The following LIG1 variants were observed in gnomAD, a reference collection of about 807,000 sequenced individuals.
LIG1 encodes the protein ligase I, DNA, ATP-dependent.
Under a neutral mutation model 115.7 loss-of-function variants are expected in LIG1, and 70 were observed. The observed-to-expected ratio is 0.60, with a 90% confidence interval of 0.50 to 0.74. The LOEUF (loss-of-function observed/expected upper bound fraction) is 0.74, where lower values mean the gene tolerates loss of function less well. Among genes scored for constraint, LIG1 ranks in the 30% least tolerant of loss-of-function variants. LIG1 has a pLI of 0.00. For missense variants in LIG1, 1,115 were observed against 1,225.6 expected (o/e 0.91, Z 1.35); for synonymous variants, 487 against 495.3 (o/e 0.98, Z 0.22).
chr19:48,159,072 C>T (rs1374721085), intron 4 of LIG1, among the ~76,000 whole-genome samples: 1 of 144,292 alleles, frequency 6.9e-6, no homozygotes, highest in African/African-American at 2.6e-5. Flanking sequence ...AGATACAGGT[C>T]TCAGATAATT....
chr19:48,138,085 G>A (rs1278282926), intron 12 of LIG1, among the ~76,000 whole-genome samples: 2 of 152,112 alleles, frequency 1.3e-5, no homozygotes, highest in African/African-American at 2.4e-5. Flanking sequence ...AACATCTCTG[G>A]CAGTGACCAA....
chr19:48,163,323 G>A (rs1232186257), intron 2 of LIG1, among the ~76,000 whole-genome samples: 1 of 152,060 alleles, frequency 6.6e-6, no homozygotes, highest in African/African-American at 2.4e-5. Flanking sequence ...CCAGTTTCAA[G>A]TGTTTCTCCT....
At chr19:48,124,202 C>T (rs962446300) in intron 21 of LIG1, among the ~76,000 whole-genome samples, 3 of 152,198 alleles carry the variant, frequency 2.0e-5, no homozygotes, top group Admixed American at 6.5e-5. Context: ...GGGACATTCA[C>T]GTGTTTTCCA....
At chr19:48,146,941 T>C (rs1271505887) in intron 9 of LIG1, among the ~76,000 whole-genome samples, 3 of 152,154 alleles carry the variant, frequency 2.0e-5, no homozygotes, top group African/African-American at 7.2e-5. Context: ...ATCATGTCAA[T>C]GTGTGTAAAA....
At chr19:48,119,344 G>A (rs564784083) in intron 24 of LIG1, among the ~76,000 whole-genome samples, 154 bp from the exon 25 acceptor site, 28 of 152,226 alleles carry the variant, frequency 1.8e-4, no homozygotes, top group African/African-American at 6.5e-4. Context: ...TGGGGGTGCG[G>A]AGCATCCATC....
rs2033370630 is a variant in LIG1, at chr19:48,122,655, G to A, written c.2232+279C>T. ...TAATTCCTGCCCAAGAGCCTGGCCC[G>A]ACACGGGCGGCAGGCTCAGGAGAGA... On this transcript the variant is annotated intron_variant, in intron 23 of 27. Transcript: ENST00000263274. The surrounding 1 kb of genome is among the most constrained non-coding windows in gnomAD (Gnocchi z 4.3). 6.6e-6 allele frequency among the ~76,000 whole-genome samples: 1 copy of A among 152,212 alleles called. No homozygotes were observed. The highest frequency in any genetic ancestry group is 1.5e-5 in the Non-Finnish European group (1 of 68,044).
chr19:48,144,497 G>A (rs1392439279), intron 9 of LIG1, among the ~76,000 whole-genome samples: 1 of 152,138 alleles, frequency 6.6e-6, no homozygotes, highest in Non-Finnish European at 1.5e-5. Flanking sequence ...GACATGGGAG[G>A]AAGGGACCTT....
chr19:48,123,727 C>T (rs896586031), intron 21 of LIG1: 45 of 301,466 alleles, frequency 1.5e-4, no homozygotes, highest in Non-Finnish European at 2.3e-4. Flanking sequence ...AAGCGACTGT[C>T]TTGCGTCGGC....
intron 4 of LIG1, among the ~76,000 whole-genome samples, chr19:48,158,609 G>T (rs1315514222): frequency 6.6e-6 from 1 of 152,216 alleles, no homozygotes; most frequent in Non-Finnish European, 1.5e-5. Flanking sequence ...TTCTTGCTCT[G>T]GCGCCACCTG....
intron 11 of LIG1, among the ~76,000 whole-genome samples, chr19:48,142,441 T>TAAAAAAAAAAAAAAAAAA (rs2034824011): frequency 2.9e-5 from 1 of 34,174 alleles, no homozygotes; most frequent in Non-Finnish European, 5.0e-5. Context: ...AGACTCCATC[T>TAAAAAAAAAAAAAAAAAA]CAAAAAAAAA....
chr19:48,130,926 G>A (rs1599766825), intron 19 of LIG1, 150 bp downstream of exon 19: 2 of 692,142 alleles, frequency 2.9e-6, no homozygotes, highest in Non-Finnish European at 5.2e-6. Flanking sequence ...ACACCACGCA[G>A]GACTGAGTGC....
At chr19:48,139,095 C>T (rs2034575739) in intron 12 of LIG1, among the ~76,000 whole-genome samples, 1 of 152,224 alleles carries the variant, frequency 6.6e-6, no homozygotes, top group South Asian at 2.1e-4. Flanking sequence ...GAGAACCCAC[C>T]AGTGGGTGGT....
chr19:48,154,264 G>A lies in LIG1; in HGVS notation c.371-297C>T, dbSNP rs903701402. 44 of 387,250 alleles carry A rather than the reference G, an allele frequency of 1.1e-4. 1 individual carries two copies. Among genetic ancestry groups the A allele is most frequent in the Middle Eastern group, 1.7e-3 (2 of 1,174 alleles). 24.0% of individuals were successfully genotyped at this position (387,250 alleles called of 1,614,324 possible). On this transcript the variant is annotated intron_variant, in intron 5 of 27. Transcript: ENST00000263274. The stretch of plus-strand genomic sequence containing the variant: ...TGTACTTGGCACAGTACCGATTCCA[G>A]CAGGTCCCCTGAGCTCCCCACTGCT...
chr19:48,117,649 C>A lies in LIG1; in HGVS notation c.2572G>T (p.Ala858Ser), dbSNP rs546126921. 11 of 1,612,768 alleles carry A rather than the reference C, an allele frequency of 6.8e-6. No homozygotes were observed. In the East Asian group the frequency reaches 1.8e-4, roughly 26 times the overall value. The change falls in exon 26 of 28, where the codon GCG (alanine) becomes TCG (serine). Residue 858 changes from alanine to serine, a missense_variant. Coordinates refer to ENST00000263274, the MANE Select transcript of LIG1 (RefSeq NM_000234.3). ...DLSLSPIYPA[A>S]RGLVDSDKGI... ...CCTCTGCCACTCACCAGGCCCCGCG[C>A]AGCAGGGTAGATGGGAGAGAGGGAG... is the stretch of plus-strand genomic sequence containing the variant.
In LIG1 at chr19:48,140,143, C is replaced by T. The variant is rs200400928; in HGVS notation, c.915G>A (p.Arg305=). The change falls in exon 12 of 28, where the codon CGG becomes CGA. Residue 305 remains arginine (R), a splice_region_variant and synonymous_variant. Transcript: ENST00000263274. ...TFEKIEEVSA[R]LRMVETLSNL... ...TGCTCAGCGTCTCCACCATCCGGAGCCTGGAGGAGGGGACGGGGGTATGAA... is the reference window on the plus strand; with the variant it reads ...TGCTCAGCGTCTCCACCATCCGGAGTCTGGAGGAGGGGACGGGGGTATGAA... 39 of 1,612,720 alleles carry T rather than the reference C, an allele frequency of 2.4e-5. No homozygotes were observed. Among genetic ancestry groups the T allele is most frequent in the Non-Finnish European group, 3.2e-5 (38 of 1,179,840 alleles).
intron 11 of LIG1, 63 bp from the exon 12 acceptor site, chr19:48,140,206 G>T (rs2034653054): frequency 6.0e-6 from 8 of 1,330,420 alleles, no homozygotes; most frequent in Non-Finnish European, 8.5e-6. Context: ...GTGTCGGGGT[G>T]GGGTGGGTTT....
intron 21 of LIG1, among the ~76,000 whole-genome samples, chr19:48,124,238 TTG>T (rs2122415640): frequency 6.6e-6 from 1 of 152,316 alleles, no homozygotes; most frequent in East Asian, 1.9e-4. Context: ...TGTTGTAAAA[TTG>T]TGCTCATGAA....
intron 17 of LIG1, 131 bp downstream of exon 17, chr19:48,133,850 G>C (rs1267197163): frequency 1.3e-6 from 1 of 741,310 alleles, no homozygotes; most frequent in African/African-American, 1.7e-5. Context: ...GCACCAGGGA[G>C]GAGCATTTGG....
chr19:48,162,390 C>CAGCACCAATACCCTGCCTATCTATG, intron 2 of LIG1, 39 bp from the exon 3 acceptor site: 1 of 1,389,394 alleles, frequency 7.2e-7, no homozygotes, highest in Non-Finnish European at 1.0e-6. Flanking sequence ...AGGAGAATAA[C>CAGCACCAATACCCTGCCTATCTATG]AGCACCAATA....
Sources: allele counts gnomAD v4.1 joint callset (sites outside exome capture counted in the v4.1 genomes callset), GRCh38; gene constraint gnomAD v4.1.1; non-coding constraint Gnocchi (gnomAD v3.1); transcripts MANE v1.5; gene names NCBI Gene and HGNC (gene_info 2026-07-23, HGNC 2026-07-21).